CSTPP1: variants seen among roughly 807,000 people sequenced by gnomAD.
CSTPP1 encodes the protein UPF0705 protein C11orf49.
chr11:47,116,675 G>GTTT, the CSTPP1 span, among the ~76,000 whole-genome samples: 2,338 of 83,746 alleles, frequency 0.028, 27 homozygotes, highest in East Asian at 0.036. Context: ...TGCTTGGTAG[G>GTTT]TTTTTTTTTT....
the CSTPP1 span, among the ~76,000 whole-genome samples, chr11:47,128,661 T>A: frequency 6.6e-6 from 1 of 152,218 alleles, no homozygotes; most frequent in Non-Finnish European, 1.5e-5. Context: ...GTGCCGGGAT[T>A]ACAAGCATGA....
chr11:46,986,017 G>C, the CSTPP1 span, among the ~76,000 whole-genome samples: 3 of 152,134 alleles, frequency 2.0e-5, no homozygotes, highest in Non-Finnish European at 4.4e-5. Flanking sequence ...AAAATGTAAG[G>C]TCACTAAATC....
the CSTPP1 span, among the ~76,000 whole-genome samples, chr11:46,970,234 A>G: frequency 2.0e-5 from 3 of 152,002 alleles, no homozygotes; most frequent in East Asian, 5.8e-4. Flanking sequence ...GTAAATTTCT[A>G]ACTTAAAACT....
chr11:47,148,491 T>G, the CSTPP1 span, among the ~76,000 whole-genome samples: 6 of 152,210 alleles, frequency 3.9e-5, no homozygotes, highest in Admixed American at 6.5e-5. Flanking sequence ...CTCAAAGAAG[T>G]CCAGTCATGG....
the CSTPP1 span, among the ~76,000 whole-genome samples, chr11:46,996,089 A>G: frequency 6.6e-6 from 1 of 152,262 alleles, no homozygotes; most frequent in South Asian, 2.1e-4. Context: ...ATCAAAGACT[A>G]GGATTGCAAC....
the CSTPP1 span, among the ~76,000 whole-genome samples, chr11:47,042,570 A>G: frequency 1.3e-5 from 2 of 152,260 alleles, no homozygotes; most frequent in East Asian, 1.9e-4. Context: ...TCTTTGTGCT[A>G]TTATAACTTT....
At chr11:47,092,189 T>C in the CSTPP1 span, among the ~76,000 whole-genome samples, 2 of 152,244 alleles carry the variant, frequency 1.3e-5, no homozygotes, top group Non-Finnish European at 2.9e-5. Flanking sequence ...AAAAAAGAGG[T>C]ATTTTATTTT....
At chr11:46,966,411 A>G in the CSTPP1 span, among the ~76,000 whole-genome samples, 1 of 152,160 alleles carries the variant, frequency 6.6e-6, no homozygotes, top group East Asian at 1.9e-4. Flanking sequence ...TTTTTTTCCC[A>G]TACTGCACAG....
the CSTPP1 span, among the ~76,000 whole-genome samples, chr11:47,071,002 C>T: frequency 2.0e-5 from 3 of 152,118 alleles, no homozygotes; most frequent in Admixed American, 6.6e-5. Flanking sequence ...AACTTTCCCC[C>T]ATGTCTGTCT....
the CSTPP1 span, chr11:47,042,033 A>G: frequency 2.3e-5 from 4 of 172,852 alleles, 1 homozygote; most frequent in Admixed American, 2.9e-4. Flanking sequence ...CCCCATCTCT[A>G]CAAAAAAAAA....
chr11:47,032,692 TAA>T, the CSTPP1 span, among the ~76,000 whole-genome samples: 1 of 152,194 alleles, frequency 6.6e-6, no homozygotes, highest in Non-Finnish European at 1.5e-5. Flanking sequence ...CATGATAGCT[TAA>T]AAAGAAACAT....
At chr11:47,107,679 G>T in the CSTPP1 span, among the ~76,000 whole-genome samples, 1 of 152,134 alleles carries the variant, frequency 6.6e-6, no homozygotes, top group African/African-American at 2.4e-5. Context: ...TGAAGCAAAT[G>T]AATATGTTTT....
chr11:46,993,657 C>T, the CSTPP1 span, among the ~76,000 whole-genome samples: 1 of 152,188 alleles, frequency 6.6e-6, no homozygotes, highest in African/African-American at 2.4e-5. Context: ...GGTACCAGTA[C>T]CATGCTGTTT....
chr11:47,052,615 CTCTCTT>C, the CSTPP1 span: 1 of 1,450,268 alleles, frequency 6.9e-7, no homozygotes, highest in African/African-American at 1.4e-5. Flanking sequence ...CTCTCTTTTC[CTCTCTT>C]TCTCTTTCAA....
chr11:47,116,675 GTTT>G, the CSTPP1 span, among the ~76,000 whole-genome samples: 1,501 of 83,880 alleles, frequency 0.018, 17 homozygotes, highest in African/African-American at 0.068. Flanking sequence ...TGCTTGGTAG[GTTT>G]TTTTTTTTTT....
the CSTPP1 span, among the ~76,000 whole-genome samples, chr11:47,053,422 C>T: frequency 1.3e-5 from 2 of 152,164 alleles, no homozygotes; most frequent in Admixed American, 1.3e-4. Flanking sequence ...GGTTTGAAAC[C>T]AGCCTGTCCA....
At chr11:47,137,602 G>T in the CSTPP1 span, 2 of 1,613,802 alleles carry the variant, frequency 1.2e-6, no homozygotes, top group South Asian at 1.1e-5. Flanking sequence ...GCAGTGACTT[G>T]AAATGCAGAG....
chr11:47,055,726 T>C, the CSTPP1 span, among the ~76,000 whole-genome samples: 1 of 152,220 alleles, frequency 6.6e-6, no homozygotes, highest in Non-Finnish European at 1.5e-5. Flanking sequence ...GCTGATGTGC[T>C]ATTTCTACTA....
At chr11:47,025,206 G>GA in the CSTPP1 span, among the ~76,000 whole-genome samples, 3 of 152,130 alleles carry the variant, frequency 2.0e-5, no homozygotes, top group Non-Finnish European at 4.4e-5. Context: ...AAATATACAT[G>GA]ACTACTGAAA....
Sources: gnomAD v4.1 joint callset for allele counts (sites outside exome capture counted in the v4.1 genomes callset) on GRCh38, gnomAD v4.1.1 for gene constraint, MANE v1.5 for transcripts, NCBI Gene and HGNC (gene_info 2026-07-23, HGNC 2026-07-21) for gene names.